SCEL: variants seen among roughly 807,000 people sequenced by gnomAD.
The protein encoded by SCEL is sciellin.
In SCEL, 113 loss-of-function variants were observed where a neutral mutation model predicts 117.6. That is an observed-to-expected ratio of 0.96 (90% CI 0.83 to 1.12). The LOEUF (loss-of-function observed/expected upper bound fraction) is 1.12. SCEL is among the 50% of genes most tolerant of loss of function. SCEL has a pLI of 0.00. For missense variants in SCEL, 785 were observed against 810.8 expected (o/e 0.97, Z 0.39); for synonymous variants, 270 against 256.2 (o/e 1.05, Z -0.51).
chr13:77,560,583 T>C (rs1803902514), intron 4 of SCEL, among the ~76,000 whole-genome samples: 2 of 152,186 alleles, frequency 1.3e-5, no homozygotes, highest in Admixed American at 6.5e-5. Flanking sequence ...CCTGGGCTAG[T>C]GGGAAAACAT....
In SCEL at chr13:77,599,713, C is replaced by G; in HGVS notation, c.882C>G (p.Ile294Met). The stretch of plus-strand genomic sequence containing the variant: ...GAGCCAAAAGCCTTGAAAGTCTCAT[C>G]TATATGAGTACCCGGACAGATAAAG... ...EKRAKSLESL[I>M]YMSTRTDKDG... The change falls in exon 15 of 33, where the codon ATC becomes ATG. Residue 294 changes from isoleucine (I) to methionine (M), a missense_variant. Physicochemically the swap from Ile to Met is conservative, Grantham distance 10. Transcript: ENST00000349847. The G allele has an allele frequency of 6.2e-7, 1 of 1,612,160 alleles. No individual in the cohort carries two copies. The highest frequency in any genetic ancestry group is 1.3e-5 in the African/African-American group (1 of 75,012).
intron 10 of SCEL, among the ~76,000 whole-genome samples, 174 bp downstream of exon 10, chr13:77,589,398 T>G (rs567014727): frequency 2.0e-5 from 3 of 152,202 alleles, no homozygotes; most frequent in Non-Finnish European, 2.9e-5. Flanking sequence ...TTATTTATGT[T>G]TGTCTTTGAA....
At chr13:77,538,756 T>C (rs1180703127) in intron 1 of SCEL, among the ~76,000 whole-genome samples, 1 of 152,222 alleles carries the variant, frequency 6.6e-6, no homozygotes, top group East Asian at 1.9e-4. Flanking sequence ...GCTCTAAAAA[T>C]CTGAATAATT....
intron 27 of SCEL, among the ~76,000 whole-genome samples, chr13:77,618,692 C>A (rs2089238311): frequency 6.6e-6 from 1 of 152,058 alleles, no homozygotes; most frequent in Non-Finnish European, 1.5e-5. Flanking sequence ...ACTAAAACAA[C>A]TTAGTGCTTG....
At chr13:77,632,033 C>T (rs1050875061) in intron 28 of SCEL, among the ~76,000 whole-genome samples, 5 of 152,224 alleles carry the variant, frequency 3.3e-5, no homozygotes, top group African/African-American at 1.2e-4. Context: ...GGTAAGATAT[C>T]TCTGGTAGCT....
chr13:77,602,979 C>G (rs2087828101), intron 17 of SCEL, 97 bp from the exon 18 acceptor site: 3 of 730,824 alleles, frequency 4.1e-6, no homozygotes, highest in Non-Finnish European at 6.5e-6. Flanking sequence ...TAATAATTTT[C>G]TCCAAAAGCT....
chr13:77,617,607 A>G lies in SCEL; in HGVS notation c.1460A>G (p.Asp487Gly). 1.9e-6 allele frequency: 3 copies of G among 1,587,626 alleles called. No individual in the cohort carries two copies. The South Asian group carries it at 3.4e-5, about 18-fold the overall frequency. Residue 487 changes from aspartate to glycine, a missense_variant, in exon 25 of 33, where the codon GAT becomes GGT. Coordinates refer to ENST00000349847, the MANE Select transcript of SCEL (RefSeq NM_144777.3). ...ATTTTTTCCACTTAAAGAAAACAAG[A>G]TCTTGATAAACTCATCAAGGTGAAT... is the stretch of plus-strand genomic sequence containing the variant. ...KAVKNTDGKQ[D>G]LDKLIKVNPE...
intron 1 of SCEL, among the ~76,000 whole-genome samples, chr13:77,553,536 G>A (rs1477855003): frequency 1.3e-5 from 2 of 152,164 alleles, no homozygotes; most frequent in African/African-American, 4.8e-5. Context: ...CACTAGTTGA[G>A]CTTTAAGTTT....
At chr13:77,586,242 G>A (rs139905844) in intron 9 of SCEL, among the ~76,000 whole-genome samples, 6 of 152,136 alleles carry the variant, frequency 3.9e-5, no homozygotes, top group African/African-American at 9.6e-5. Context: ...CCTTCTCCCC[G>A]ATGATCTTGT....
rs190446920 is a variant in SCEL, at chr13:77,617,627, G to T, written c.1480G>T (p.Val494Leu). ...GKQDLDKLIK[V>L]NPEIFTNNQR... Reference sequence around the variant, plus strand: ...ACAAGATCTTGATAAACTCATCAAGGTGAATCCTGAAATTTTCACAAACAA... The same window carrying T: ...ACAAGATCTTGATAAACTCATCAAGTTGAATCCTGAAATTTTCACAAACAA... The change falls in exon 25 of 33, where the codon GTG becomes TTG. Residue 494 changes from valine (V) to leucine (L), a missense_variant. Val to Leu is a conservative substitution (Grantham distance 32). Transcript: ENST00000349847. The T allele has an allele frequency of 1.0e-4, 165 of 1,597,566 alleles. 1 individual carries two copies. In the East Asian group the frequency reaches 2.8e-3, roughly 27 times the overall value.
intron 1 of SCEL, among the ~76,000 whole-genome samples, chr13:77,538,690 CT>C (rs1001138445): frequency 2.6e-5 from 4 of 152,308 alleles, no homozygotes; most frequent in Non-Finnish European, 5.9e-5. Flanking sequence ...AACTGGTTTA[CT>C]TCTAGATACA....
intron 4 of SCEL, among the ~76,000 whole-genome samples, chr13:77,563,128 C>T (rs1308890262): frequency 6.6e-6 from 1 of 151,888 alleles, no homozygotes; most frequent in African/African-American, 2.4e-5. Context: ...CTAAATTCCC[C>T]CCCCATTTTT....
intron 5 of SCEL, among the ~76,000 whole-genome samples, chr13:77,565,657 A>G (rs1376573976): frequency 6.6e-6 from 1 of 152,226 alleles, no homozygotes; most frequent in Non-Finnish European, 1.5e-5. Context: ...TATATCTGGT[A>G]TGTGTGCATT....
At position 77,540,824 on chromosome 13, in the gene SCEL, T is replaced by C. The variant is rs548656612; in HGVS notation, c.-20+5000T>C. Among the ~76,000 whole-genome samples the C allele has an allele frequency of 4.6e-5, 7 of 152,274 alleles. No individual in the cohort carries two copies. In the East Asian group the frequency reaches 1.3e-3, roughly 29 times the overall value. On this transcript the variant is annotated intron_variant, in intron 1 of 32. Transcript: ENST00000349847. ...ACACCCTTGAACGACTTTAAGTAGG[T>C]GATGACTACTTTGGCACCAGTGAGG...
Position 77,556,605 on chromosome 13 carries a change from G to A in SCEL, c.53G>A (p.Ser18Asn). 1 of 1,613,420 alleles carries A rather than the reference G, an allele frequency of 6.2e-7. No homozygotes were observed. The part of the protein sequence containing the change: ...KMSPTGNEMK[S>N]TTQGTTRKQQ... The stretch of plus-strand genomic sequence containing the variant: ...ATGTTTCTGTTGATAGAGATGAAGA[G>A]CACCACTCAGGGAACCACACGGAAG... The change falls in exon 3 of 33, where the codon AGC becomes AAC. Residue 18 changes from serine to asparagine, a missense_variant. By Grantham distance (46) the Ser-to-Asn change is conservative (BLOSUM62 1). Coordinates refer to ENST00000349847, the MANE Select transcript of SCEL (RefSeq NM_144777.3).
Position 77,628,748 on chromosome 13 carries a change from G to A in SCEL, c.1691+739G>A, listed in dbSNP as rs142023094. On this transcript the variant is annotated intron_variant, in intron 28 of 32. Coordinates refer to ENST00000349847, the MANE Select transcript of SCEL (RefSeq NM_144777.3). ...ATGATATTGTGATTTCATCTGCAGAGAATGGAAAAGCTAGGAAAAGAGCTG... is the reference window on the plus strand; with the variant it reads ...ATGATATTGTGATTTCATCTGCAGAAAATGGAAAAGCTAGGAAAAGAGCTG... 3.1e-3 allele frequency among the ~76,000 whole-genome samples: 471 copies of A among 152,210 alleles called. 3 individuals carry two copies. Among genetic ancestry groups the A allele is most frequent in the Middle Eastern group, 6.8e-3 (2 of 292 alleles).
intron 1 of SCEL, among the ~76,000 whole-genome samples, chr13:77,541,418 G>A (rs1430913906): frequency 6.6e-6 from 1 of 152,098 alleles, no homozygotes; most frequent in Non-Finnish European, 1.5e-5. Flanking sequence ...AAAGAAACTC[G>A]ACAATAGGGA....
At chr13:77,602,517 T>TG in intron 16 of SCEL, 137 bp from the exon 17 acceptor site, 1 of 698,028 alleles carries the variant, frequency 1.4e-6, no homozygotes, top group Non-Finnish European at 2.5e-6. Context: ...AAGTTAAGGA[T>TG]AATTACATCA....
intron 28 of SCEL, among the ~76,000 whole-genome samples, chr13:77,633,693 G>A (rs1412898649): frequency 6.6e-6 from 1 of 152,142 alleles, no homozygotes. Context: ...AGGTACCGCA[G>A]TCAACTGCAG....
Sources: allele counts gnomAD v4.1 joint callset (sites outside exome capture counted in the v4.1 genomes callset), GRCh38; gene constraint gnomAD v4.1.1; transcripts MANE v1.5; gene names NCBI Gene and HGNC (gene_info 2026-07-23, HGNC 2026-07-21).